Variants in FSTL5 observed in about 807,000 individuals in gnomAD.
FSTL5 encodes the protein follistatin like 5.
A neutral mutation model predicts 89.1 loss-of-function variants in FSTL5; 62 were observed. The observed-to-expected ratio is 0.70, with a 90% CI of 0.57 to 0.86. FSTL5 has a LOEUF of 0.86. Ranked by LOEUF, FSTL5 falls within the 40% of genes least tolerant of loss-of-function variation. The probability of loss-of-function intolerance (pLI) is 0.00; values close to 1 mark genes in which losing one functional copy is unlikely to be tolerated. For missense variants in FSTL5, 1,057 were observed against 1,001.6 expected, an observed-to-expected ratio of 1.06 and a Z score of -0.75; for synonymous variants, 383 against 346.2, an observed-to-expected ratio of 1.11 and a Z score of -1.18.
chr4:161,680,304 G>A (rs1460696231), intron 6 of FSTL5, among the ~76,000 whole-genome samples: 1 of 151,770 alleles, frequency 6.6e-6, no homozygotes, highest in Non-Finnish European at 1.5e-5. Flanking sequence ...TACTTACTGA[G>A]GTCAGTGTTG....
chr4:161,698,852 A>G (rs1738278052), intron 6 of FSTL5, among the ~76,000 whole-genome samples: 1 of 152,188 alleles, frequency 6.6e-6, no homozygotes, highest in Non-Finnish European at 1.5e-5. Context: ...CAGGAGGCTG[A>G]GGCAGGAGAA....
intron 11 of FSTL5, among the ~76,000 whole-genome samples, chr4:161,502,140 G>A (rs567939222): frequency 6.6e-6 from 1 of 152,060 alleles, no homozygotes; most frequent in African/African-American, 2.4e-5. Context: ...ACTACTTTAA[G>A]TCCAGATTGT....
Position 161,693,196 on chromosome 4 carries a change from T to C in FSTL5, c.728-36702A>G, listed in dbSNP as rs536332386. Among the ~76,000 whole-genome samples, 20 of 152,356 alleles carry C rather than the reference T, an allele frequency of 1.3e-4. 2 individuals carry two copies. The South Asian group carries it at 4.1e-3, about 32-fold the overall frequency. ...TGGTGTACAAACATGCTGTTGAATT[T>C]GGTTAGCTACCATTTTCTTAAAGAT... is the stretch of plus-strand genomic sequence containing the variant. On this transcript the variant is annotated intron_variant, in intron 6 of 15. Transcript: ENST00000306100.
intron 6 of FSTL5, among the ~76,000 whole-genome samples, chr4:161,663,347 G>T (rs1461848742): frequency 6.6e-6 from 1 of 152,122 alleles, no homozygotes; most frequent in Non-Finnish European, 1.5e-5. Context: ...AAACAAGCTA[G>T]TTACTTTCTA....
At chr4:161,641,908 A>G (rs934305585) in intron 7 of FSTL5, among the ~76,000 whole-genome samples, 3 of 152,322 alleles carry the variant, frequency 2.0e-5, no homozygotes, top group African/African-American at 7.2e-5. Flanking sequence ...TCACTACAAA[A>G]TATCAACTAC....
At chr4:161,888,524 T>C (rs1207770279) in intron 4 of FSTL5, among the ~76,000 whole-genome samples, 1 of 152,194 alleles carries the variant, frequency 6.6e-6, no homozygotes, top group East Asian at 1.9e-4. Flanking sequence ...GCATTGGTAT[T>C]ATACATATAT....
chr4:162,140,565 C>A (rs1326362140), intron 1 of FSTL5, among the ~76,000 whole-genome samples: 1 of 141,246 alleles, frequency 7.1e-6, no homozygotes, highest in Admixed American at 7.2e-5. Flanking sequence ...GGCTTTTACT[C>A]TAAATAAAAT....
At chr4:161,837,524 G>GA (rs1731085456) in intron 4 of FSTL5, among the ~76,000 whole-genome samples, 1 of 151,870 alleles carries the variant, frequency 6.6e-6, no homozygotes, top group South Asian at 2.1e-4. Context: ...AGTTTGAGGT[G>GA]AAAAAATAGC....
chr4:162,037,249 G>A (rs554309135), intron 2 of FSTL5, among the ~76,000 whole-genome samples: 1 of 151,978 alleles, frequency 6.6e-6, no homozygotes, highest in African/African-American at 2.4e-5. Flanking sequence ...TAATAGAACA[G>A]GTGGGAACAG....
intron 1 of FSTL5, among the ~76,000 whole-genome samples, chr4:162,149,320 C>A (rs1213080860): frequency 6.6e-6 from 1 of 151,908 alleles, no homozygotes; most frequent in Non-Finnish European, 1.5e-5. Context: ...CCAGCCTGGG[C>A]AACATAGAGA....
intron 6 of FSTL5, among the ~76,000 whole-genome samples, chr4:161,680,304 G>T (rs1460696231): frequency 2.6e-5 from 4 of 151,770 alleles, no homozygotes; most frequent in Non-Finnish European, 4.4e-5. Context: ...TACTTACTGA[G>T]GTCAGTGTTG....
intron 3 of FSTL5, among the ~76,000 whole-genome samples, chr4:161,959,819 T>C (rs1299998858): frequency 1.3e-5 from 2 of 152,134 alleles, no homozygotes; most frequent in Non-Finnish European, 2.9e-5. Context: ...TAGCCTTTAA[T>C]ACAAACAGTA....
Position 161,751,444 on chromosome 4 carries a change from T to C in FSTL5, c.727+7967A>G, listed in dbSNP as rs531054712. On this transcript the variant is annotated intron_variant, in intron 6 of 15. Coordinates refer to ENST00000306100, the MANE Select transcript of FSTL5 (RefSeq NM_020116.5). The stretch of plus-strand genomic sequence containing the variant: ...TAGAAAGCAAGGAAATGGTGCTGAG[T>C]GGTATTTCCCAAAATAGCCAGGGGA... 2.6e-4 allele frequency among the ~76,000 whole-genome samples: 39 copies of C among 152,010 alleles called. 1 individual carries two copies. The South Asian group carries it at 7.9e-3, about 31-fold the overall frequency.
At chr4:161,828,306 G>C (rs1730731707) in intron 4 of FSTL5, among the ~76,000 whole-genome samples, 1 of 151,638 alleles carries the variant, frequency 6.6e-6, no homozygotes, top group South Asian at 2.1e-4. Flanking sequence ...TACAGTTTTG[G>C]GGCTGTCTCC....
intron 6 of FSTL5, among the ~76,000 whole-genome samples, chr4:161,723,386 A>G (rs1387485681): frequency 6.6e-6 from 1 of 152,220 alleles, no homozygotes; most frequent in African/African-American, 2.4e-5. Flanking sequence ...GGCTTTTTAA[A>G]AAATGGCAAT....
At chr4:161,664,227 T>C (rs1249052027) in intron 6 of FSTL5, among the ~76,000 whole-genome samples, 2 of 152,200 alleles carry the variant, frequency 1.3e-5, no homozygotes, top group African/African-American at 2.4e-5. Context: ...GCAGCTGGCT[T>C]GAATTTCTCC....
At chr4:162,086,968 T>C (rs1335316684) in intron 2 of FSTL5, among the ~76,000 whole-genome samples, 1 of 152,084 alleles carries the variant, frequency 6.6e-6, no homozygotes, top group African/African-American at 2.4e-5. Flanking sequence ...TTAAAAGAGA[T>C]AACCTTCATA....
chr4:162,112,879 C>G (rs981307582), intron 1 of FSTL5, among the ~76,000 whole-genome samples: 1 of 151,254 alleles, frequency 6.6e-6, no homozygotes, highest in East Asian at 2.0e-4. Flanking sequence ...TGTTGTTGTT[C>G]TTGTTGTTGT....
At chr4:161,452,577 C>A (rs945228490) in intron 15 of FSTL5, among the ~76,000 whole-genome samples, 3 of 151,922 alleles carry the variant, frequency 2.0e-5, no homozygotes, top group African/African-American at 7.3e-5. Context: ...TATGTTAAAA[C>A]TACCTTACAT....
Sources: allele counts gnomAD v4.1 joint callset (sites outside exome capture counted in the v4.1 genomes callset), GRCh38; gene constraint gnomAD v4.1.1; transcripts MANE v1.5; gene names NCBI Gene and HGNC (gene_info 2026-07-23, HGNC 2026-07-21).